The following ZAP70 variants were observed in gnomAD, a reference collection of about 807,000 sequenced individuals.
The protein encoded by ZAP70 is tyrosine-protein kinase ZAP-70.
A neutral mutation model predicts 65.8 loss-of-function variants in ZAP70; 27 were observed. The observed-to-expected ratio is 0.41, with a 90% CI of 0.30 to 0.57. ZAP70 has a LOEUF of 0.57. ZAP70 is among the 20% of genes least tolerant of loss of function. The pLI, the probability that ZAP70 is intolerant of heterozygous loss-of-function variation, is 0.28. For missense variants in ZAP70, 696 were observed against 870.5 expected (o/e 0.80, Z 2.52); for synonymous variants, 363 against 360.8 (o/e 1.01, Z -0.07).
intron 4 of ZAP70, among the ~76,000 whole-genome samples, chr2:97,727,578 G>A (rs934128626): frequency 1.3e-5 from 2 of 152,198 alleles, no homozygotes; most frequent in Non-Finnish European, 2.9e-5. Context: ...AGGTGCCTGA[G>A]AGTCCAGGGG....
At chr2:97,714,895 C>T (rs535242746) in intron 2 of ZAP70, among the ~76,000 whole-genome samples, 28 of 152,130 alleles carry the variant, frequency 1.8e-4, no homozygotes, top group Non-Finnish European at 2.4e-4. Flanking sequence ...GATGTGCACA[C>T]TCTGGAGCCT....
Position 97,737,729 on chromosome 2 carries a change from T to C in ZAP70, c.1483-28T>C, listed in dbSNP as rs201082245. ...GGGTGGGTAGAGGGTCCCTGACCCC[T>C]GATCCAGCAGCATCTCCCCCTCCCC... On this transcript the variant is annotated intron_variant, in intron 11 of 13. Transcript: ENST00000264972. The surrounding 1 kb of genome is among the most constrained non-coding windows in gnomAD (Gnocchi z 5.0). 6.2e-7 allele frequency: 1 copy of C among 1,614,038 alleles called. No homozygotes were observed. Among genetic ancestry groups the C allele is most frequent in the Non-Finnish European group, 8.5e-7 (1 of 1,179,956 alleles).
chr2:97,737,752 C>CCCAG lies in ZAP70; in HGVS notation c.1483-4_1483-1dup. 2 of 1,614,156 alleles carry CCCAG rather than the reference C, an allele frequency of 1.2e-6. No individual in the cohort carries two copies. Among genetic ancestry groups the CCCAG allele is most frequent in the South Asian group, 2.2e-5 (2 of 91,092 alleles). On this transcript the variant is annotated splice_region_variant and splice_polypyrimidine_tract_variant and intron_variant, in intron 11 of 13. Transcript: ENST00000264972. This position sits in a 1 kb window ranked among gnomAD's most constrained non-coding sequence, Gnocchi z 5.0. ...CCTGATCCAGCAGCATCTCCCCCTC[C>CCCAG]CCAGGCCCGCTCAGCAGGGAAGTGG... is the stretch of plus-strand genomic sequence containing the variant.
chr2:97,718,640 T>A (rs1408198331), intron 2 of ZAP70, among the ~76,000 whole-genome samples: 1 of 152,064 alleles, frequency 6.6e-6, no homozygotes, highest in Non-Finnish European at 1.5e-5. Context: ...TAGCCTCGGG[T>A]CATGGATGGC....
downstream of ZAP70, chr2:97,739,923 A>C (rs1678079845): frequency 9.6e-6 from 2 of 207,974 alleles, no homozygotes; most frequent in South Asian, 1.6e-4. Context: ...GGTTATGAAA[A>C]GTGCATGGAG....
the ZAP70 span, among the ~76,000 whole-genome samples, chr2:97,756,030 G>T: frequency 1.3e-5 from 2 of 152,232 alleles, no homozygotes; most frequent in African/African-American, 4.8e-5. Flanking sequence ...ACCTGACAGA[G>T]TCAGTATTCA....
At chr2:97,755,974 C>CAAG in the ZAP70 span, among the ~76,000 whole-genome samples, 4 of 152,338 alleles carry the variant, frequency 2.6e-5, no homozygotes, top group Middle Eastern at 3.4e-3. Context: ...CCAGGTTCCT[C>CAAG]AAGTATAATG....
Position 97,717,401 on chromosome 2 carries a change from G to GCGGAGCCT in ZAP70, c.-22+3409_-22+3416dup, listed in dbSNP as rs377113135. ...GCGGAGCCTCTGGCTGGGGGGACAT[G>GCGGAGCCT]CGGAGCCTCTGAGCCTCTGGCTGGG... On this transcript the variant is annotated intron_variant, in intron 2 of 13. Coordinates refer to ENST00000264972, the MANE Select transcript of ZAP70 (RefSeq NM_001079.4). Among the ~76,000 whole-genome samples, 1,088 of 149,766 alleles carry GCGGAGCCT rather than the reference G, an allele frequency of 7.3e-3. 17 individuals carry two copies. The highest frequency in any genetic ancestry group is 0.026 in the African/African-American group (1,032 of 39,916).
rs902361149 is a variant in ZAP70, at chr2:97,731,650, A to T, written c.564-1233A>T. Among the ~76,000 whole-genome samples the T allele has an allele frequency of 2.6e-5, 4 of 152,156 alleles. No individual in the cohort carries two copies. Among genetic ancestry groups the T allele is most frequent in the African/African-American group, 9.7e-5 (4 of 41,430 alleles). On this transcript the variant is annotated intron_variant, in intron 4 of 13. Coordinates refer to ENST00000264972, the MANE Select transcript of ZAP70 (RefSeq NM_001079.4). The surrounding 1 kb of genome is among the most constrained non-coding windows in gnomAD (Gnocchi z 4.0). ...CTCCCTCACTCAGGGGACATTTCCT[A>T]AGGAAGGGCCTTATTGCAAGGTGGG...
rs766233841 is a variant in ZAP70, at chr2:97,725,196, G to A, written c.507G>A (p.Thr169=). ...TGCCCTGGTACCACAGCAGCCTGAC[G>A]CGTGAGGAGGCCGAGCGCAAACTTT... ...ERMPWYHSSL[T]REEAERKLYS... Residue 169 remains threonine (T), a synonymous_variant, in exon 4 of 14, where the codon ACG becomes ACA. Coordinates refer to ENST00000264972, the MANE Select transcript of ZAP70 (RefSeq NM_001079.4). 2 of 1,614,094 alleles carry A rather than the reference G, an allele frequency of 1.2e-6. No homozygotes were observed. The highest frequency in any genetic ancestry group is 1.7e-5 in the Admixed American group (1 of 60,012).
At chr2:97,721,529 T>A (rs1677153382) in intron 2 of ZAP70, among the ~76,000 whole-genome samples, 1 of 151,652 alleles carries the variant, frequency 6.6e-6, no homozygotes, top group Admixed American at 6.6e-5. Context: ...TTCTTCTGCC[T>A]TGGCCTCCCG....
At chr2:97,727,332 G>A (rs1245839552) in intron 4 of ZAP70, among the ~76,000 whole-genome samples, 2 of 152,248 alleles carry the variant, frequency 1.3e-5, no homozygotes, top group Non-Finnish European at 2.9e-5. Flanking sequence ...GTGAACATGG[G>A]TGTTGGGGGC....
the ZAP70 span, among the ~76,000 whole-genome samples, chr2:97,746,199 T>C: frequency 6.6e-6 from 1 of 152,210 alleles, no homozygotes; most frequent in Non-Finnish European, 1.5e-5. Context: ...GATTCACGTT[T>C]ACAGAGTTTC....
Position 97,715,452 on chromosome 2 carries a change from G to T in ZAP70, c.-22+1458G>T, listed in dbSNP as rs768139239. Among the ~76,000 whole-genome samples the T allele has an allele frequency of 3.3e-5, 5 of 152,148 alleles. No homozygotes were observed. Among genetic ancestry groups the T allele is most frequent in the Admixed American group, 2.0e-4 (3 of 15,274 alleles). ...CCCTTTTACAGTCACAGAGCCTGAG[G>T]CCCAGAGAGGGACCGCTGCTTGCTG... On this transcript the variant is annotated intron_variant, in intron 2 of 13. Transcript: ENST00000264972. The surrounding 1 kb of genome is among the most constrained non-coding windows in gnomAD (Gnocchi z 4.1).
intron 4 of ZAP70, among the ~76,000 whole-genome samples, chr2:97,727,798 T>G (rs1677451069): frequency 6.6e-6 from 1 of 152,168 alleles, no homozygotes; most frequent in Non-Finnish European, 1.5e-5. Context: ...TGTCTCAGTT[T>G]TCCTTTCTTC....
intron 13 of ZAP70, 51 bp from the exon 14 acceptor site, chr2:97,739,324 C>T (rs1360574865): frequency 1.2e-6 from 2 of 1,608,178 alleles, no homozygotes; most frequent in South Asian, 1.1e-5. Context: ...ACTGGTGAAG[C>T]TGGGTCCTGG....
the ZAP70 span, among the ~76,000 whole-genome samples, chr2:97,745,037 ATTTG>A: frequency 1.3e-5 from 2 of 152,314 alleles, no homozygotes; most frequent in South Asian, 2.1e-4. Flanking sequence ...TTTAATTTTT[ATTTG>A]TTTTATTGTT....
At chr2:97,744,123 AG>A (rs1381523530), downstream of ZAP70, among the ~76,000 whole-genome samples, 1 of 152,194 alleles carries the variant, frequency 6.6e-6, no homozygotes, top group Non-Finnish European at 1.5e-5. Flanking sequence ...GACTTGCCCC[AG>A]TCCACACAGC....
rs1287513469 is a variant in ZAP70 at position 97,736,069 on chromosome 2, C to T, written c.1289+613C>T. 6.6e-6 allele frequency among the ~76,000 whole-genome samples: 1 copy of T among 152,164 alleles called. No individual in the cohort carries two copies. On this transcript the variant is annotated intron_variant, in intron 10 of 13. Transcript: ENST00000264972. The surrounding 1 kb of genome is among the most constrained non-coding windows in gnomAD (Gnocchi z 4.0). ...CTAGTAAGAGCTTTGTACACATCAGCTGCTCCCCAGACTCCCTGGGCCAAA... is the reference window on the plus strand; with the variant it reads ...CTAGTAAGAGCTTTGTACACATCAGTTGCTCCCCAGACTCCCTGGGCCAAA...
Sources: gnomAD v4.1 joint callset for allele counts (sites outside exome capture counted in the v4.1 genomes callset) on GRCh38, gnomAD v4.1.1 for gene constraint, Gnocchi (gnomAD v3.1) non-coding constraint, MANE v1.5 for transcripts, NCBI Gene and HGNC (gene_info 2026-07-23, HGNC 2026-07-21) for gene names.